Variants in PRR12 observed in about 807,000 individuals in gnomAD.
PRR12 encodes the protein proline rich 12.
In PRR12, 12 loss-of-function variants were observed where a neutral mutation model predicts 138.0. The ratio of observed to expected loss-of-function variants is 0.09; its 90% CI spans 0.06 to 0.14. The LOEUF is 0.14. Among genes scored for constraint, PRR12 ranks in the 10% least tolerant of loss-of-function variants. The pLI is 1.00. For synonymous variants in PRR12, 1,567 were observed against 1,291.7 expected, an observed-to-expected ratio of 1.21 and a Z score of -4.57; for missense variants, 2,692 against 2,861.3, an observed-to-expected ratio of 0.94 and a Z score of 1.35.
chr19:49,604,379 A>AT (rs1002126780), intron 6 of PRR12, among the ~76,000 whole-genome samples: 2 of 151,496 alleles, frequency 1.3e-5, no homozygotes, highest in Non-Finnish European at 2.9e-5. Flanking sequence ...AAAAAAAAAA[A>AT]GGATATTGAC....
chr19:49,620,618 C>G (rs1599803320), intron 10 of PRR12, 141 bp downstream of exon 10: 1 of 1,275,366 alleles, frequency 7.8e-7, no homozygotes. Context: ...GAGGCCTGGA[C>G]CTGGGTCTGA....
At chr19:49,615,128 C>T in intron 8 of PRR12, 119 bp downstream of exon 8, 1 of 1,422,850 alleles carries the variant, frequency 7.0e-7, no homozygotes, top group South Asian at 1.3e-5. Flanking sequence ...GAGACAGAGC[C>T]CAGAGAGAGA....
rs371510907 is a variant in PRR12, at chr19:49,611,698, C to T, written c.4774-2835C>T. On this transcript the variant is annotated intron_variant, in intron 6 of 13. Transcript: ENST00000418929. The stretch of plus-strand genomic sequence containing the variant: ...CAGCACTTTGGGAGGCAGAGGCGGG[C>T]GGATCATGAGGTCAGGAGATCGAGA... Among the ~76,000 whole-genome samples, 261 of 147,544 alleles carry T rather than the reference C, an allele frequency of 1.8e-3. 7 individuals are homozygous for T. The highest frequency in any genetic ancestry group is 6.3e-3 in the African/African-American group (245 of 38,922).
chr19:49,621,491 G>A (rs1485192342), intron 10 of PRR12, 34 bp from the exon 11 acceptor site: 1 of 1,535,356 alleles, frequency 6.5e-7, no homozygotes. Flanking sequence ...TTGTGAGGCT[G>A]TGGCCTTCCT....
chr19:49,592,106 C>T (rs938831034), intron 1 of PRR12, among the ~76,000 whole-genome samples: 2 of 151,084 alleles, frequency 1.3e-5, no homozygotes, highest in Admixed American at 1.3e-4. Flanking sequence ...ACTGCTCTTG[C>T]AAAGGTGGGA....
chr19:49,595,908 C>T lies in PRR12; in HGVS notation c.1573C>T (p.Pro525Ser). 1.2e-6 allele frequency: 2 copies of T among 1,602,710 alleles called. No homozygotes were observed. Among genetic ancestry groups the T allele is most frequent in the South Asian group, 1.1e-5 (1 of 91,064 alleles). Residue 525 changes from proline (P) to serine (S), a missense_variant, in exon 4 of 14, where the codon CCC becomes TCC. By Grantham distance (74) the Pro-to-Ser change is moderately conservative. This residue lies in a region of PRR12 where 523 missense variants were observed against 496.4 expected (regional missense o/e 1.05). Coordinates refer to ENST00000418929, the MANE Select transcript of PRR12 (RefSeq NM_020719.3). ...PGPAAHSQGL[P>S]TASPSLSYST... is the part of the protein sequence containing the mutation. ...GCCAGCCGCCCACTCCCAGGGGCTG[C>T]CCACAGCCAGCCCCTCGCTCAGCTA...
Position 49,597,287 on chromosome 19 carries a change from C to T in PRR12, c.2952C>T (p.Pro984=). ...CTGGCGCTGGGCCACCCCCCGGCCCCCCTGCTTATGATCCCTATGGGCCCT... is the reference window on the plus strand; with the variant it reads ...CTGGCGCTGGGCCACCCCCCGGCCCTCCTGCTTATGATCCCTATGGGCCCT... The part of the protein sequence containing the change: ...PKAGAGPPPG[P]PAYDPYGPYC... Residue 984 remains proline (P), a synonymous_variant, in exon 4 of 14, where the codon CCC becomes CCT. Transcript: ENST00000418929. The surrounding 1 kb of genome is among the most constrained non-coding windows in gnomAD (Gnocchi z 6.3). 6.4e-7 allele frequency: 1 copy of T among 1,562,330 alleles called. No individual in the cohort carries two copies. The highest frequency in any genetic ancestry group is 8.7e-7 in the Non-Finnish European group (1 of 1,155,574).
intron 1 of PRR12, among the ~76,000 whole-genome samples, chr19:49,592,396 G>C (rs895442530): frequency 5.3e-5 from 8 of 152,292 alleles, no homozygotes; most frequent in Non-Finnish European, 1.2e-4. Context: ...GTCTGGCCAC[G>C]GACTGGTGCC....
chr19:49,602,678 A>G (rs553436833), intron 6 of PRR12, among the ~76,000 whole-genome samples: 3 of 152,128 alleles, frequency 2.0e-5, no homozygotes, highest in South Asian at 2.1e-4. Flanking sequence ...TGGCCTCCCA[A>G]CTATCTGGGA....
Position 49,625,463 on chromosome 19 carries a change from C to T in PRR12, c.5967C>T (p.Thr1989=). 1 of 1,605,258 alleles carries T rather than the reference C, an allele frequency of 6.2e-7. No homozygotes were observed. The highest frequency in any genetic ancestry group is 8.5e-7 in the Non-Finnish European group (1 of 1,176,138). ...AGTGCCATGTTTGACCCCTGCAGACCCTGGCCATCGAGGGCGGCGCCGAGG... is the reference window on the plus strand; with the variant it reads ...AGTGCCATGTTTGACCCCTGCAGACTCTGGCCATCGAGGGCGGCGCCGAGG... ...YHTFLRCRDQ[T]LAIEGGAEDL... Residue 1989 remains threonine, a splice_region_variant and synonymous_variant, in exon 14 of 14, where the codon ACC becomes ACT. Coordinates refer to ENST00000418929, the MANE Select transcript of PRR12 (RefSeq NM_020719.3). This position sits in a 1 kb window ranked among gnomAD's most constrained non-coding sequence, Gnocchi z 5.5.
chr19:49,609,337 G>T (rs1450352978), intron 6 of PRR12, among the ~76,000 whole-genome samples: 1 of 151,910 alleles, frequency 6.6e-6, no homozygotes, highest in South Asian at 2.1e-4. Flanking sequence ...ATGGTGGTTC[G>T]CATCTGTAAT....
At position 49,616,481 on chromosome 19, in the gene PRR12, C is replaced by T. The variant is rs564989877; in HGVS notation, c.5497+262C>T. Among the ~76,000 whole-genome samples the T allele has an allele frequency of 2.0e-5, 3 of 152,144 alleles. No individual in the cohort carries two copies. Among genetic ancestry groups the T allele is most frequent in the Non-Finnish European group, 4.4e-5 (3 of 68,030 alleles). On this transcript the variant is annotated intron_variant, in intron 9 of 13. Transcript: ENST00000418929. The surrounding 1 kb of genome is among the most constrained non-coding windows in gnomAD (Gnocchi z 4.2). ...TCATCTACAGATGAGGAAGCTGAGG[C>T]TCCAAGAGAGGGCAGCACAGTCTGT...
Position 49,595,767 on chromosome 19 carries a change from G to T in PRR12, c.1432G>T (p.Gly478Cys), listed in dbSNP as rs1459244410. 2 of 1,602,200 alleles carry T rather than the reference G, an allele frequency of 1.2e-6. No homozygotes were observed. The highest frequency in any genetic ancestry group is 1.7e-6 in the Non-Finnish European group (2 of 1,175,206). ...DLSKAPSYSG[G>C]PPQPPSGPPP... is the part of the protein sequence containing the mutation. ...GAGCAAAGCCCCCAGCTACTCAGGG[G>T]GCCCCCCACAGCCCCCCAGCGGCCC... The change falls in exon 4 of 14, where the codon GGC (glycine) becomes TGC (cysteine). Residue 478 changes from glycine to cysteine, a missense_variant. Physicochemically the swap from Gly to Cys is radical, Grantham distance 159 (BLOSUM62 -3). Transcript: ENST00000418929.
At chr19:49,621,690 G>A in intron 11 of PRR12, 68 bp downstream of exon 11, 3 of 1,286,182 alleles carry the variant, frequency 2.3e-6, no homozygotes, top group Admixed American at 4.0e-5. Context: ...TGTACGTGTC[G>A]GCCGCTGTTG....
Position 49,593,398 on chromosome 19 carries a change from C to G in PRR12, c.158C>G (p.Pro53Arg). 1 of 1,611,894 alleles carries G rather than the reference C, an allele frequency of 6.2e-7. No homozygotes were observed. Among genetic ancestry groups the G allele is most frequent in the Non-Finnish European group, 8.5e-7 (1 of 1,178,938 alleles). Residue 53 changes from proline (P) to arginine (R), a missense_variant, in exon 2 of 14, where the codon CCC becomes CGC. Physicochemically the swap from Pro to Arg is moderately radical, Grantham distance 103. This residue lies in a region of PRR12 where 211 missense variants were observed against 266.3 expected (regional missense o/e 0.79). Transcript: ENST00000418929. ...DILHRQAYAAPHPLQSYATNH... is the reference protein window; with the variant it reads ...DILHRQAYAARHPLQSYATNH... ...TTACACCGCCAGGCCTATGCGGCCC[C>G]CCACCCACTGCAAAGCTATGCCACC...
rs1294951327 is a variant in PRR12, at chr19:49,591,397, C to T, written c.-258C>T. On this transcript the variant is annotated 5_prime_UTR_variant, in exon 1 of 14. Transcript: ENST00000418929. ...GGGGTCCCTCCTCCCCCCTTCCCTC[C>T]TCTAGGGGGAACCCCCCTTCCCCCT... is the stretch of plus-strand genomic sequence containing the variant. Among the ~76,000 whole-genome samples the T allele has an allele frequency of 1.3e-5, 2 of 149,144 alleles. 1 individual carries two copies. The highest frequency in any genetic ancestry group is 4.9e-5 in the African/African-American group (2 of 40,474).
In PRR12 at chr19:49,615,849, G is replaced by A. The variant is rs762948045; in HGVS notation, c.5127G>A (p.Thr1709=). The A allele has an allele frequency of 3.7e-5, 60 of 1,606,900 alleles. No individual in the cohort carries two copies. The African/African-American group carries it at 3.9e-4, about 10-fold the overall frequency. The part of the protein sequence containing the change: ...PPPKPETPEK[T]TSEKPPEQTP... ...CCAAGCCTGAGACCCCTGAAAAGAC[G>A]ACATCTGAGAAGCCCCCAGAGCAGA... is the stretch of plus-strand genomic sequence containing the variant. Residue 1709 remains threonine (T), a synonymous_variant, in exon 9 of 14, where the codon ACG becomes ACA. Coordinates refer to ENST00000418929, the MANE Select transcript of PRR12 (RefSeq NM_020719.3).
chr19:49,608,111 T>C (rs530883460), intron 6 of PRR12, among the ~76,000 whole-genome samples: 2 of 152,322 alleles, frequency 1.3e-5, no homozygotes, highest in East Asian at 3.9e-4. Context: ...TACATTCTTT[T>C]TTGCATACCA....
chr19:49,616,187 C>A lies in PRR12; in HGVS notation c.5465C>A (p.Ser1822Ter). The A allele has an allele frequency of 6.4e-7, 1 of 1,550,520 alleles. No homozygotes were observed. Among genetic ancestry groups the A allele is most frequent in the Admixed American group, 2.0e-5 (1 of 50,642 alleles). The change falls in exon 9 of 14, where the codon TCG (serine) becomes TAG (stop). Residue 1822 changes from serine to a stop codon, truncating the protein, a stop_gained. Coordinates refer to ENST00000418929, the MANE Select transcript of PRR12 (RefSeq NM_020719.3). LOFTEE classifies it high-confidence loss of function. The surrounding 1 kb of genome is among the most constrained non-coding windows in gnomAD (Gnocchi z 4.2). Reference sequence around the variant, plus strand: ...GGCCCACCAGGCAGCTCCTCGGACTCGGAGTCCTCCCCTGGAGCCCCCAGC... The same window carrying A: ...GGCCCACCAGGCAGCTCCTCGGACTAGGAGTCCTCCCCTGGAGCCCCCAGC... ...GGGPPGSSSD[S>*]ESSPGAPSED...
Sources: gnomAD v4.1 joint callset for allele counts (sites outside exome capture counted in the v4.1 genomes callset) on GRCh38, gnomAD v4.1.1 for gene constraint, gnomAD v4.1.1 regional missense constraint, Gnocchi (gnomAD v3.1) non-coding constraint, MANE v1.5 for transcripts, NCBI Gene and HGNC (gene_info 2026-07-23, HGNC 2026-07-21) for gene names.